Variants in RESF1 observed in about 807,000 individuals in gnomAD.
RESF1 encodes the protein retroelement silencing factor 1.
Under a neutral mutation model 134.7 loss-of-function variants are expected in RESF1, and 65 were observed. The observed-to-expected ratio is 0.48, with a 90% CI of 0.40 to 0.59. The LOEUF (loss-of-function observed/expected upper bound fraction) is 0.59. RESF1 is among the 20% of genes least tolerant of loss of function. The pLI is 0.00. For synonymous variants in RESF1, 762 were observed against 702.2 expected (o/e 1.09, Z -1.35); for missense variants, 2,274 against 2,002.7 (o/e 1.14, Z -2.59).
At chr12:31,962,181 G>C (rs934413283) in intron 2 of RESF1, among the ~76,000 whole-genome samples, 1 of 148,656 alleles carries the variant, frequency 6.7e-6, no homozygotes, top group Non-Finnish European at 1.5e-5. Context: ...TCACCCCATC[G>C]TACTGCAGCC....
At chr12:31,974,543 C>T (rs1259838094) in intron 3 of RESF1, among the ~76,000 whole-genome samples, 1 of 151,972 alleles carries the variant, frequency 6.6e-6, no homozygotes, top group Non-Finnish European at 1.5e-5. Context: ...CTCTGTGGGC[C>T]GACATCGCTG....
intron 3 of RESF1, among the ~76,000 whole-genome samples, chr12:31,979,743 G>A (rs1474444657): frequency 2.7e-5 from 4 of 150,720 alleles, no homozygotes; most frequent in Non-Finnish European, 4.4e-5. Context: ...TTTCAGTAGA[G>A]ACAGGGTTTC....
At chr12:31,978,153 C>T (rs771679236) in intron 3 of RESF1, among the ~76,000 whole-genome samples, 5 of 152,228 alleles carry the variant, frequency 3.3e-5, no homozygotes, top group East Asian at 1.9e-4. Context: ...AATATTTGAA[C>T]ATGGCATATC....
intron 1 of RESF1, among the ~76,000 whole-genome samples, chr12:31,960,400 A>G (rs1939233797): frequency 6.6e-6 from 1 of 152,084 alleles, no homozygotes; most frequent in Non-Finnish European, 1.5e-5. Flanking sequence ...TAAATGTGTT[A>G]GCTTTAATCA....
intron 3 of RESF1, among the ~76,000 whole-genome samples, chr12:31,979,041 C>T (rs1939707879): frequency 6.6e-6 from 1 of 151,782 alleles, no homozygotes; most frequent in East Asian, 1.9e-4. Flanking sequence ...CTGCCTCAGC[C>T]TTCTGAGTAG....
At position 31,992,678 on chromosome 12, in the gene RESF1, C is replaced by T. The variant is rs1940120712; in HGVS notation, c.*143C>T. On this transcript the variant is annotated 3_prime_UTR_variant, in exon 6 of 6. Coordinates refer to ENST00000312561, the MANE Select transcript of RESF1 (RefSeq NM_018169.4). ...CTTTCATTGTATTTCATTGAAAGTG[C>T]TTAATTAAAATGGCTTGAGAACTTT... The T allele has an allele frequency of 3.5e-6, 3 of 863,296 alleles. No homozygotes were observed. The highest frequency in any genetic ancestry group is 2.5e-5 in the East Asian group (1 of 39,394). 53.5% of individuals were successfully genotyped at this position (863,296 alleles called of 1,614,324 possible).
At chr12:31,963,243 G>A (rs1444133470) in intron 2 of RESF1, among the ~76,000 whole-genome samples, 1 of 152,090 alleles carries the variant, frequency 6.6e-6, no homozygotes, top group Non-Finnish European at 1.5e-5. Context: ...TAACTCAGGA[G>A]GCTGAGATAG....
chr12:31,964,949 G>A (rs1201835994), intron 2 of RESF1, among the ~76,000 whole-genome samples: 1 of 152,006 alleles, frequency 6.6e-6, no homozygotes, highest in Non-Finnish European at 1.5e-5. Context: ...CTTGTTTATT[G>A]TAGTTTTGTC....
Position 31,981,287 on chromosome 12 carries a change from C to G in RESF1, c.332C>G (p.Ser111Cys). 1 of 1,614,080 alleles carries G rather than the reference C, an allele frequency of 6.2e-7. No individual in the cohort carries two copies. The highest frequency in any genetic ancestry group is 1.3e-5 in the African/African-American group (1 of 75,038). Residue 111 changes from serine to cysteine, a missense_variant, in exon 4 of 6, where the codon TCT (serine) becomes TGT (cysteine). By Grantham distance (112) the Ser-to-Cys change is moderately radical. Transcript: ENST00000312561. Reference sequence around the variant, plus strand: ...CAACTAACTCACAATTTGCAGATGTCTTCAGGAGTTACCCAAAACGTATGG... The same window carrying G: ...CAACTAACTCACAATTTGCAGATGTGTTCAGGAGTTACCCAAAACGTATGG... ...PKQLTHNLQMSSGVTQNVWLN... is the reference protein window; with the variant it reads ...PKQLTHNLQMCSGVTQNVWLN...
chr12:31,986,441 A>G (rs952425354), intron 4 of RESF1, among the ~76,000 whole-genome samples: 4 of 152,226 alleles, frequency 2.6e-5, no homozygotes, highest in African/African-American at 7.2e-5. Flanking sequence ...TGGGTCAACT[A>G]ATTGTCCTCT....
rs1162854842 is a variant in RESF1, at chr12:31,987,247, A to C, written c.5011A>C (p.Ile1671Leu). The change falls in exon 5 of 6, where the codon ATA becomes CTA. Residue 1671 changes from isoleucine (I) to leucine (L), a missense_variant. Physicochemically the swap from Ile to Leu is conservative, Grantham distance 5 (BLOSUM62 2). Transcript: ENST00000312561. ...KEQAPLQVSG[I>L]KSTKEDWLKF... is the part of the protein sequence containing the mutation. ...AATGAATATTTAAATAGTTTCAGGA[A>C]TAAAAAGTACAAAAGAAGACTGGTT... 1 of 1,554,364 alleles carries C rather than the reference A, an allele frequency of 6.4e-7. No homozygotes were observed. Among genetic ancestry groups the C allele is most frequent in the African/African-American group, 1.4e-5 (1 of 73,570 alleles).
chr12:31,962,432 T>C (rs1939294868), intron 2 of RESF1: 1 of 152,204 alleles, frequency 6.6e-6, no homozygotes, highest in African/African-American at 2.4e-5. Context: ...GAAAGAATCT[T>C]GGACCTTGAG....
At position 31,974,755 on chromosome 12, in the gene RESF1, G is replaced by C. The variant is rs116835032; in HGVS notation, c.-79+4399G>C. On this transcript the variant is annotated intron_variant, in intron 3 of 5. Transcript: ENST00000312561. Reference sequence around the variant, plus strand: ...GTAAAAGCCAGGGGACAGTGAGGGGGACGGGCAGTTATGAAGCATCATTAA... The same window carrying C: ...GTAAAAGCCAGGGGACAGTGAGGGGCACGGGCAGTTATGAAGCATCATTAA... Among the ~76,000 whole-genome samples the C allele has an allele frequency of 4.5e-3, 686 of 152,180 alleles. 6 individuals carry two copies. Among genetic ancestry groups the C allele is most frequent in the African/African-American group, 0.016 (671 of 41,518 alleles).
At chr12:31,980,130 A>G (rs754398542) in intron 3 of RESF1, among the ~76,000 whole-genome samples, 57 of 50,810 alleles carry the variant, frequency 1.1e-3, no homozygotes, top group Non-Finnish European at 2.6e-3. Context: ...TTTTTTTTTG[A>G]AACAGAGTCT....
intron 3 of RESF1, among the ~76,000 whole-genome samples, chr12:31,973,788 A>G (rs1231275396): frequency 1.3e-5 from 2 of 152,008 alleles, no homozygotes; most frequent in African/African-American, 4.8e-5. Context: ...TCTTCACACA[A>G]CTGACCACTT....
chr12:31,963,787 A>G (rs1032204757), intron 2 of RESF1, among the ~76,000 whole-genome samples: 1 of 152,226 alleles, frequency 6.6e-6, no homozygotes, highest in Non-Finnish European at 1.5e-5. Context: ...CATATTCTGA[A>G]CACTTCATAT....
intron 3 of RESF1, among the ~76,000 whole-genome samples, chr12:31,978,699 C>T (rs1472317743): frequency 6.9e-6 from 1 of 145,122 alleles, no homozygotes; most frequent in Non-Finnish European, 1.5e-5. Flanking sequence ...GTGCCCGCCA[C>T]CACACCCAGC....
At chr12:31,988,443 A>G (rs1352390439) in intron 5 of RESF1, among the ~76,000 whole-genome samples, 1 of 152,232 alleles carries the variant, frequency 6.6e-6, no homozygotes, top group African/African-American at 2.4e-5. Flanking sequence ...TAATCTAGAA[A>G]TTATTTAAGG....
At chr12:31,986,436 C>T (rs1939972840) in intron 4 of RESF1, among the ~76,000 whole-genome samples, 1 of 152,184 alleles carries the variant, frequency 6.6e-6, no homozygotes, top group South Asian at 2.1e-4. Flanking sequence ...GGAAATGGGT[C>T]AACTAATTGT....
Sources: gnomAD v4.1 joint callset for allele counts (sites outside exome capture counted in the v4.1 genomes callset) on GRCh38, gnomAD v4.1.1 for gene constraint, MANE v1.5 for transcripts, NCBI Gene and HGNC (gene_info 2026-07-23, HGNC 2026-07-21) for gene names.